The following DLEC1 variants were observed in gnomAD, a reference collection of about 807,000 sequenced individuals.
DLEC1 encodes DLEC1 cilia and flagella associated protein.
A neutral mutation model predicts 198.1 loss-of-function variants in DLEC1; 146 were observed. The observed-to-expected ratio is 0.74, with a 90% CI of 0.64 to 0.85. The LOEUF (loss-of-function observed/expected upper bound fraction) is 0.85, where lower values mean the gene tolerates loss of function less well. DLEC1 is among the 40% of genes least tolerant of loss of function. DLEC1 has a pLI of 0.00. For missense variants in DLEC1, 2,233 were observed against 2,220.0 expected (o/e 1.01, Z -0.12); for synonymous variants, 897 against 866.8 (o/e 1.03, Z -0.61).
intron 12 of DLEC1, 31 bp from the exon 13 acceptor site, chr3:38,094,848 G>C (rs771838506): frequency 6.2e-6 from 10 of 1,608,630 alleles, no homozygotes; most frequent in Middle Eastern, 1.9e-4. Flanking sequence ...AGCAGAACTG[G>C]GACATGGCCT....
chr3:38,087,194 C>A (rs1698503423), intron 9 of DLEC1, among the ~76,000 whole-genome samples: 1 of 152,210 alleles, frequency 6.6e-6, no homozygotes, highest in African/African-American at 2.4e-5. Context: ...GGGCTGGGGG[C>A]AGGCCCTGTG....
At chr3:38,052,732 A>T (rs1293851399) in intron 2 of DLEC1, among the ~76,000 whole-genome samples, 1 of 151,884 alleles carries the variant, frequency 6.6e-6, no homozygotes, top group Non-Finnish European at 1.5e-5. Context: ...GTGTAAGCAT[A>T]GCTTCCCATT....
At chr3:38,076,017 CA>C (rs1697595437) in intron 6 of DLEC1, among the ~76,000 whole-genome samples, 1 of 152,158 alleles carries the variant, frequency 6.6e-6, no homozygotes, top group Non-Finnish European at 1.5e-5. Context: ...GATTAAACAT[CA>C]AGGGAAGGCT....
At chr3:38,122,017 T>G (rs1700497389) in intron 35 of DLEC1, 54 bp from the exon 36 acceptor site, 15 of 1,600,986 alleles carry the variant, frequency 9.4e-6, no homozygotes, top group Non-Finnish European at 1.3e-5. Context: ...AGTCTTCCTG[T>G]GGGAGTACAT....
Position 38,096,711 on chromosome 3 carries a change from G to A in DLEC1, c.2314G>A (p.Gly772Arg). 1 of 1,611,006 alleles carries A rather than the reference G, an allele frequency of 6.2e-7. No homozygotes were observed. The highest frequency in any genetic ancestry group is 1.1e-5 in the South Asian group (1 of 90,598). Residue 772 changes from glycine (G) to arginine (R), a missense_variant, in exon 15 of 37, where the codon GGG becomes AGG. Transcript: ENST00000308059. ...CATCATCCCAGGGGAGAACTACATTGGGATAAATGTGAAGAAGGCTTTTAA... is the reference window on the plus strand; with the variant it reads ...CATCATCCCAGGGGAGAACTACATTAGGATAAATGTGAAGAAGGCTTTTAA... Reference protein sequence around the residue: ...ALIIPGENYIGINVKKAFKMW... With the variant: ...ALIIPGENYIRINVKKAFKMW...
At chr3:38,066,876 TACTTCTGTGTCTGGG>T (rs781520526) in intron 6 of DLEC1, among the ~76,000 whole-genome samples, 4 of 152,356 alleles carry the variant, frequency 2.6e-5, no homozygotes, top group East Asian at 1.9e-4. Flanking sequence ...TTGTCTTTTG[TACTTCTGTGTCTGGG>T]ACTTCTGTGT....
At chr3:38,110,346 T>A in intron 23 of DLEC1, 65 bp downstream of exon 23, 1 of 1,579,900 alleles carries the variant, frequency 6.3e-7, no homozygotes, top group Non-Finnish European at 8.6e-7. Context: ...CTGTTGAGCC[T>A]CTGTGTGGCT....
At chr3:38,079,490 G>A (rs557071861) in intron 6 of DLEC1, among the ~76,000 whole-genome samples, 7 of 152,300 alleles carry the variant, frequency 4.6e-5, no homozygotes, top group East Asian at 1.9e-4. Context: ...AAAGCTCGGT[G>A]TCCGTGATGG....
Position 38,117,252 on chromosome 3 carries a change from T to G in DLEC1, c.4350T>G (p.Phe1450Leu), listed in dbSNP as rs765243011. 1 of 1,614,126 alleles carries G rather than the reference T, an allele frequency of 6.2e-7. No individual in the cohort carries two copies. The highest frequency in any genetic ancestry group is 1.7e-5 in the Admixed American group (1 of 60,006). The change falls in exon 31 of 37, where the codon TTT becomes TTG. Residue 1450 changes from phenylalanine to leucine, a missense_variant. By Grantham distance (22) the Phe-to-Leu change is conservative (BLOSUM62 0). Transcript: ENST00000308059. The part of the protein sequence containing the change: ...IPGKRHRLQD[F>L]AVGPLKLDLH... The stretch of plus-strand genomic sequence containing the variant: ...GGAAGAGGCATCGCCTGCAGGACTT[T>G]GCGGTGGGACCCCTGAAACTGGACC...
chr3:38,117,705 C>T (rs1165400505), intron 32 of DLEC1, 94 bp downstream of exon 32: 2 of 1,602,418 alleles, frequency 1.2e-6, no homozygotes, highest in Admixed American at 1.7e-5. Flanking sequence ...TAGTCTGAGC[C>T]CAAATCCCCT....
At chr3:38,108,375 T>A in intron 20 of DLEC1, 30 bp from the exon 21 acceptor site, 1 of 1,583,826 alleles carries the variant, frequency 6.3e-7, no homozygotes, top group Non-Finnish European at 8.7e-7. Context: ...GCCCAGTAAG[T>A]GACAACAGGC....
chr3:38,121,949 G>T (rs1291748275), intron 35 of DLEC1, 122 bp from the exon 36 acceptor site: 2 of 1,522,682 alleles, frequency 1.3e-6, no homozygotes, highest in Non-Finnish European at 1.8e-6. Flanking sequence ...ATGATCTCAG[G>T]GTTGCCCTGC....
chr3:38,084,273 G>C (rs1215260261), intron 7 of DLEC1, 28 bp downstream of exon 7: 9 of 1,586,804 alleles, frequency 5.7e-6, no homozygotes, highest in Non-Finnish European at 6.9e-6. Flanking sequence ...AAGTTCATTA[G>C]TAGTAGTGGT....
intron 1 of DLEC1, among the ~76,000 whole-genome samples, chr3:38,044,349 A>G (rs1370773643): frequency 6.6e-6 from 1 of 152,174 alleles, no homozygotes; most frequent in East Asian, 1.9e-4. Context: ...ATCTGAGGTC[A>G]GGAGTTCAAG....
chr3:38,073,741 C>G (rs1276153533), intron 6 of DLEC1, among the ~76,000 whole-genome samples: 4 of 152,108 alleles, frequency 2.6e-5, no homozygotes, highest in Admixed American at 2.6e-4. Context: ...GCTTGGCCGT[C>G]AGTACCTACA....
At chr3:38,066,081 C>G (rs1012145105) in intron 6 of DLEC1, among the ~76,000 whole-genome samples, 1 of 152,178 alleles carries the variant, frequency 6.6e-6, no homozygotes, top group African/African-American at 2.4e-5. Context: ...CTTGGTGGTA[C>G]TGTGTATTTC....
Position 38,063,883 on chromosome 3 carries a change from G to A in DLEC1, c.1137G>A (p.Gly379=). 1 of 1,612,928 alleles carries A rather than the reference G, an allele frequency of 6.2e-7. No individual in the cohort carries two copies. Among genetic ancestry groups the A allele is most frequent in the African/African-American group, 1.3e-5 (1 of 74,832 alleles). ...TGTTTCTAGCTAAGCCACCAATTGG[G>A]TTTTTCACAGATTATGAAATTGGTC... The part of the protein sequence containing the change: ...TPVFLAKPPI[G]FFTDYEIGPV... Residue 379 remains glycine, a synonymous_variant, in exon 6 of 37, where the codon GGG becomes GGA. Transcript: ENST00000308059.
Position 38,117,906 on chromosome 3 carries a change from C to T in DLEC1, c.4586C>T (p.Ser1529Phe). The T allele has an allele frequency of 6.2e-7, 1 of 1,614,174 alleles. No homozygotes were observed. The highest frequency in any genetic ancestry group is 8.5e-7 in the Non-Finnish European group (1 of 1,180,024). ...RLMVSRPFSVSQDGASQDHRA... is the reference protein window; with the variant it reads ...RLMVSRPFSVFQDGASQDHRA... ...ATGGTCTCCAGGCCCTTCTCCGTTT[C>T]TCAAGATGGGGCGAGCCAGGACCAC... The change falls in exon 33 of 37, where the codon TCT becomes TTT. Residue 1529 changes from serine (S) to phenylalanine (F), a missense_variant. Ser to Phe is a radical substitution (Grantham distance 155, BLOSUM62 -2). Transcript: ENST00000308059.
chr3:38,041,853 A>C (rs1700672152), intron 1 of DLEC1, among the ~76,000 whole-genome samples: 1 of 151,192 alleles, frequency 6.6e-6, no homozygotes, highest in South Asian at 2.1e-4. Flanking sequence ...GTTTCAAAAA[A>C]AAAAAAAAAA....
Sources: gnomAD v4.1 joint callset for allele counts (sites outside exome capture counted in the v4.1 genomes callset) on GRCh38, gnomAD v4.1.1 for gene constraint, MANE v1.5 for transcripts, NCBI Gene and HGNC (gene_info 2026-07-23, HGNC 2026-07-21) for gene names.